The following ROCK1 variants were observed in gnomAD, a reference collection of about 807,000 sequenced individuals.
ROCK1 encodes Rho associated coiled-coil containing protein kinase 1.
ROCK1 carries 36 observed loss-of-function variants against 196.8 expected under a neutral mutation model. The ratio of observed to expected loss-of-function variants is 0.18; its 90% confidence interval spans 0.14 to 0.24. The LOEUF is 0.24. Among genes scored for constraint, ROCK1 ranks in the 10% least tolerant of loss-of-function variants. The pLI is 1.00. For synonymous variants in ROCK1, 443 were observed against 515.9 expected, an observed-to-expected ratio of 0.86 and a Z score of 1.91; for missense variants, 920 against 1,562.0, an observed-to-expected ratio of 0.59 and a Z score of 6.93.
intron 21 of ROCK1, 114 bp downstream of exon 21, chr18:20,982,649 T>A: frequency 3.5e-6 from 2 of 569,688 alleles, no homozygotes; most frequent in Non-Finnish European, 3.2e-6. Context: ...CAATGTTTAT[T>A]AGAAGATGAA....
intron 11 of ROCK1, among the ~76,000 whole-genome samples, chr18:21,023,214 T>C (rs2143468209): frequency 6.6e-6 from 1 of 152,306 alleles, no homozygotes; most frequent in South Asian, 2.1e-4. Context: ...GCCACCGAAC[T>C]GCACACTTAA....
At chr18:21,100,631 G>GC (rs2036651682) in intron 1 of ROCK1, among the ~76,000 whole-genome samples, 1 of 151,742 alleles carries the variant, frequency 6.6e-6, no homozygotes. Context: ...AATAAATGTT[G>GC]GTTATGTCTT....
intron 16 of ROCK1, among the ~76,000 whole-genome samples, chr18:21,004,964 C>T (rs1161986286): frequency 6.6e-6 from 1 of 152,174 alleles, no homozygotes; most frequent in Non-Finnish European, 1.5e-5. Context: ...ACCCTGACCT[C>T]TCTCCACTGA....
intron 29 of ROCK1, among the ~76,000 whole-genome samples, chr18:20,956,286 T>C (rs1232170315): frequency 6.6e-6 from 1 of 152,208 alleles, no homozygotes; most frequent in Non-Finnish European, 1.5e-5. Context: ...CCTTCCTGTA[T>C]ATTTAAAATT....
rs543317961 is a variant in ROCK1 at position 21,012,380 on chromosome 18, T to C, written c.1410+3051A>G. On this transcript the variant is annotated intron_variant, in intron 13 of 32. Transcript: ENST00000399799. ...GAGAATGTTGTCATTTTCTTTTTCATTTGAGAAGGATGTTTTAATTGAACA... is the reference window on the plus strand; with the variant it reads ...GAGAATGTTGTCATTTTCTTTTTCACTTGAGAAGGATGTTTTAATTGAACA... 1.8e-4 allele frequency among the ~76,000 whole-genome samples: 27 copies of C among 152,320 alleles called. No individual in the cohort carries two copies. In the East Asian group the frequency reaches 5.2e-3, roughly 29 times the overall value.
At chr18:21,034,452 A>G (rs748327410) in intron 9 of ROCK1, among the ~76,000 whole-genome samples, 1 of 152,326 alleles carries the variant, frequency 6.6e-6, no homozygotes, top group Non-Finnish European at 1.5e-5. Flanking sequence ...ACAAACTTAT[A>G]CAGATCAATG....
intron 29 of ROCK1, among the ~76,000 whole-genome samples, chr18:20,955,742 T>C (rs1412945802): frequency 6.7e-6 from 1 of 148,534 alleles, no homozygotes; most frequent in Non-Finnish European, 1.5e-5. Context: ...CTGTGATACA[T>C]CTATACTATG....
chr18:20,992,688 A>G (rs1443919971), intron 17 of ROCK1, 143 bp downstream of exon 17: 4 of 568,692 alleles, frequency 7.0e-6, no homozygotes, highest in Non-Finnish European at 1.2e-5. Flanking sequence ...ACAGCCCCAC[A>G]TACAACCAAT....
chr18:21,035,679 A>G (rs914177199), intron 9 of ROCK1, among the ~76,000 whole-genome samples: 1 of 152,222 alleles, frequency 6.6e-6, no homozygotes, highest in Non-Finnish European at 1.5e-5. Context: ...AATAGCTAAA[A>G]GAGATAGCAA....
intron 22 of ROCK1, among the ~76,000 whole-genome samples, chr18:20,973,668 G>T (rs926251062): frequency 1.3e-5 from 2 of 152,156 alleles, no homozygotes; most frequent in Non-Finnish European, 2.9e-5. Context: ...TACATCATCA[G>T]AAGGAAGGCA....
intron 12 of ROCK1, among the ~76,000 whole-genome samples, chr18:21,017,449 C>T (rs2035873478): frequency 1.3e-5 from 2 of 151,756 alleles, no homozygotes; most frequent in East Asian, 4.0e-4. Context: ...CTCGGCCTCC[C>T]AAAGTGCTGG....
chr18:20,967,721 A>G, intron 26 of ROCK1, 31 bp downstream of exon 26: 1 of 1,450,350 alleles, frequency 6.9e-7, no homozygotes, highest in Non-Finnish European at 9.3e-7. Flanking sequence ...AATCCTTCAC[A>G]CTCATATCCA....
rs2035135652 is a variant in ROCK1, at chr18:20,947,103, C to G, written c.*4281G>C. The G allele has an allele frequency of 6.6e-6, 1 of 152,146 alleles. No individual in the cohort carries two copies. The highest frequency in any genetic ancestry group is 1.5e-5 in the Non-Finnish European group (1 of 68,046). 9.4% of individuals were successfully genotyped at this position (152,146 alleles called of 1,614,324 possible). ...AACAGTATAGCTTGGGAGAAAGTAT[C>G]ATATCTTAATTCTCATAAGACAATT... On this transcript the variant is annotated 3_prime_UTR_variant, in exon 33 of 33. Coordinates refer to ENST00000399799, the MANE Select transcript of ROCK1 (RefSeq NM_005406.3).
intron 16 of ROCK1, among the ~76,000 whole-genome samples, chr18:21,004,380 T>A (rs746120955): frequency 2.0e-5 from 3 of 152,222 alleles, no homozygotes; most frequent in African/African-American, 7.2e-5. Context: ...ATAAGCATTG[T>A]GATTTTTTTA....
chr18:21,003,843 T>G (rs527846611), intron 16 of ROCK1, among the ~76,000 whole-genome samples: 13 of 152,244 alleles, frequency 8.5e-5, no homozygotes, highest in African/African-American at 2.2e-4. Context: ...GTATACATAA[T>G]GCAAATATTC....
intron 12 of ROCK1, among the ~76,000 whole-genome samples, chr18:21,019,722 C>T (rs563040030): frequency 9.2e-5 from 14 of 151,376 alleles, no homozygotes; most frequent in Admixed American, 2.0e-4. Context: ...GGCGTGAACC[C>T]GGGAGGCGGA....
At chr18:21,020,376 T>A (rs1014813744) in intron 11 of ROCK1, 137 bp from the exon 12 acceptor site, 1 of 455,850 alleles carries the variant, frequency 2.2e-6, no homozygotes, top group African/African-American at 2.0e-5. Context: ...TCTCAATTTT[T>A]TTATTATTAA....
intron 31 of ROCK1, among the ~76,000 whole-genome samples, chr18:20,954,368 G>A (rs1338420977): frequency 6.7e-6 from 1 of 148,334 alleles, no homozygotes; most frequent in Non-Finnish European, 1.5e-5. Context: ...CCTGATGTCA[G>A]GAGTTCGAAA....
intron 22 of ROCK1, among the ~76,000 whole-genome samples, chr18:20,974,949 CA>C (rs1224648442): frequency 6.6e-6 from 1 of 152,174 alleles, no homozygotes; most frequent in East Asian, 1.9e-4. Context: ...ATCCCCTTGC[CA>C]TAACAGCCAA....
Sources: allele counts gnomAD v4.1 joint callset (sites outside exome capture counted in the v4.1 genomes callset), GRCh38; gene constraint gnomAD v4.1.1; transcripts MANE v1.5; gene names NCBI Gene and HGNC (gene_info 2026-07-23, HGNC 2026-07-21).